Variants in ATF1 observed in about 807,000 individuals in gnomAD.
ATF1 encodes activating transcription factor 1.
A neutral mutation model predicts 34.7 loss-of-function variants in ATF1; 16 were observed. That is an observed-to-expected ratio of 0.46 (90% CI 0.31 to 0.70). The LOEUF (loss-of-function observed/expected upper bound fraction) is 0.70, where lower values mean the gene tolerates loss of function less well. Ranked by LOEUF, ATF1 falls within the 30% of genes least tolerant of loss-of-function variation. The pLI is 0.05. For synonymous variants in ATF1, 105 were observed against 113.1 expected (o/e 0.93, Z 0.46); for missense variants, 255 against 321.6 (o/e 0.79, Z 1.58).
chr12:50,772,020 G>A (rs7132020), intron 1 of ATF1, among the ~76,000 whole-genome samples: 1,593 of 152,316 alleles, frequency 0.01, 29 homozygotes, highest in African/African-American at 0.037. Flanking sequence ...TGTCTATGGA[G>A]TAGCCGTTCT....
At chr12:50,782,551 G>C (rs7307788) in intron 2 of ATF1, among the ~76,000 whole-genome samples, 1 of 141,506 alleles carries the variant, frequency 7.1e-6, no homozygotes, top group Non-Finnish European at 1.5e-5. Context: ...CACCACACCC[G>C]GCCTTTTTTT....
At chr12:50,792,211 A>C (rs1941320492) in intron 2 of ATF1, among the ~76,000 whole-genome samples, 1 of 151,972 alleles carries the variant, frequency 6.6e-6, no homozygotes, top group South Asian at 2.1e-4. Flanking sequence ...CTCTTACTCT[A>C]TTTGTTATAG....
chr12:50,765,051 G>A (rs931953236), intron 1 of ATF1, among the ~76,000 whole-genome samples: 3 of 152,202 alleles, frequency 2.0e-5, no homozygotes, highest in Non-Finnish European at 2.9e-5. Context: ...GCAGCTGGCG[G>A]CTGAATCGCT....
chr12:50,814,469 G>T, intron 6 of ATF1, 30 bp downstream of exon 6: 1 of 1,600,252 alleles, frequency 6.2e-7, no homozygotes, highest in Non-Finnish European at 8.6e-7. Flanking sequence ...TACCAGAATG[G>T]GTAATGTTTT....
intron 3 of ATF1, among the ~76,000 whole-genome samples, chr12:50,805,844 A>G (rs1354349324): frequency 1.3e-5 from 2 of 152,014 alleles, no homozygotes; most frequent in African/African-American, 4.8e-5. Flanking sequence ...AATTATTTGC[A>G]TTACAGTGTT....
intron 2 of ATF1, among the ~76,000 whole-genome samples, chr12:50,791,236 G>A (rs1031338406): frequency 8.5e-5 from 13 of 152,114 alleles, no homozygotes; most frequent in Non-Finnish European, 1.6e-4. Context: ...TTGGGATGAG[G>A]AAAAGAACTT....
At chr12:50,805,275 G>A (rs1272645030) in intron 3 of ATF1, among the ~76,000 whole-genome samples, 1 of 152,016 alleles carries the variant, frequency 6.6e-6, no homozygotes. Context: ...GTACAGGAAG[G>A]CTAGGCACGG....
Position 50,776,332 on chromosome 12 carries a change from A to T in ATF1, c.-6-3808A>T, listed in dbSNP as rs187812475. Among the ~76,000 whole-genome samples the T allele has an allele frequency of 3.4e-3, 496 of 146,544 alleles. 35 individuals carry two copies. Among genetic ancestry groups the T allele is most frequent in the Admixed American group, 0.031 (450 of 14,376 alleles). On this transcript the variant is annotated intron_variant, in intron 1 of 6. Coordinates refer to ENST00000262053, the MANE Select transcript of ATF1 (RefSeq NM_005171.5). ...CTCTGTCTCAAAAAAGAAAAAAAAA[A>T]TTTTTTTTTAATTAGCCAGATATGG... is the stretch of plus-strand genomic sequence containing the variant.
intron 1 of ATF1, among the ~76,000 whole-genome samples, chr12:50,774,464 T>G (rs1288739669): frequency 6.6e-6 from 1 of 152,230 alleles, no homozygotes; most frequent in Admixed American, 6.5e-5. Flanking sequence ...ACTACTCCCT[T>G]GTTTCTGCCT....
intron 2 of ATF1, chr12:50,788,356 T>G: frequency 2.7e-6 from 1 of 364,692 alleles, no homozygotes; most frequent in South Asian, 2.0e-5. Context: ...CTAAACTTTT[T>G]GTATTTTTTT....
intron 2 of ATF1, chr12:50,788,315 A>G (rs1208814884): frequency 4.7e-6 from 2 of 427,302 alleles, no homozygotes; most frequent in African/African-American, 2.1e-5. Flanking sequence ...CCCAAGTAGC[A>G]GGGACCACAG....
At chr12:50,769,294 T>G (rs936555765) in intron 1 of ATF1, among the ~76,000 whole-genome samples, 1 of 152,020 alleles carries the variant, frequency 6.6e-6, no homozygotes, top group African/African-American at 2.4e-5. Context: ...CACCTGAGGT[T>G]AGGAGTTTGA....
chr12:50,771,487 G>C (rs1940768646), intron 1 of ATF1, among the ~76,000 whole-genome samples: 1 of 152,096 alleles, frequency 6.6e-6, no homozygotes, highest in African/African-American at 2.4e-5. Flanking sequence ...CTGAATGCAA[G>C]AGACCCTCAT....
intron 1 of ATF1, among the ~76,000 whole-genome samples, chr12:50,767,267 C>G (rs924371682): frequency 6.6e-6 from 1 of 151,752 alleles, no homozygotes; most frequent in African/African-American, 2.4e-5. Context: ...CCTGTAATCC[C>G]AGCACTTTGG....
chr12:50,786,002 AG>A (rs1334150276), intron 2 of ATF1, among the ~76,000 whole-genome samples: 1 of 152,158 alleles, frequency 6.6e-6, no homozygotes, highest in Non-Finnish European at 1.5e-5. Flanking sequence ...CCCACTCTCA[AG>A]GGGAGAGGAT....
upstream of ATF1, among the ~76,000 whole-genome samples, chr12:50,763,462 T>C (rs1163078945): frequency 6.7e-6 from 1 of 150,300 alleles, no homozygotes; most frequent in African/African-American, 2.5e-5. Context: ...AGTCCTCATC[T>C]CTTCAAGCCG....
rs536292618 is a variant in ATF1, at chr12:50,820,220, A to G, written c.*441A>G. 9.8e-6 allele frequency: 2 copies of G among 205,006 alleles called. No individual in the cohort carries two copies. The highest frequency in any genetic ancestry group is 7.6e-5 in the East Asian group (1 of 13,156). The allele number at this position is 205,006 out of a possible 1,614,324, so 12.7% of individuals were successfully genotyped here. On this transcript the variant is annotated 3_prime_UTR_variant, in exon 7 of 7. Transcript: ENST00000262053. ...TTCTGCCAATAAATTCTAAATTACA[A>G]AGGTAAGAGAAAACCTAGTACATTA...
chr12:50,785,042 C>T (rs1941152669), intron 2 of ATF1, among the ~76,000 whole-genome samples: 1 of 138,568 alleles, frequency 7.2e-6, no homozygotes, highest in South Asian at 2.7e-4. Context: ...TGCTATCCCT[C>T]CCCCCTCCCC....
At chr12:50,789,044 G>C (rs1033646356) in intron 2 of ATF1, among the ~76,000 whole-genome samples, 3 of 151,928 alleles carry the variant, frequency 2.0e-5, no homozygotes, top group Non-Finnish European at 4.4e-5. Flanking sequence ...CTGATACGTA[G>C]TTCAGTGTTA....
Sources: gnomAD v4.1 joint callset for allele counts (sites outside exome capture counted in the v4.1 genomes callset) on GRCh38, gnomAD v4.1.1 for gene constraint, MANE v1.5 for transcripts, NCBI Gene and HGNC (gene_info 2026-07-23, HGNC 2026-07-21) for gene names.